The following ATP6V0A4 variants were observed in gnomAD, a reference collection of about 807,000 sequenced individuals.
ATP6V0A4 encodes V-type proton ATPase 116 kDa subunit a 4.
ATP6V0A4 carries 86 observed loss-of-function variants against 107.3 expected under a neutral mutation model. The ratio of observed to expected loss-of-function variants is 0.80; its 90% CI spans 0.67 to 0.96. The LOEUF is 0.96. Ranked by LOEUF, ATP6V0A4 falls within the 40% of genes least tolerant of loss-of-function variation. ATP6V0A4 has a pLI of 0.00. For synonymous variants in ATP6V0A4, 353 were observed against 381.4 expected (o/e 0.93, Z 0.87); for missense variants, 908 against 1,045.6 (o/e 0.87, Z 1.81).
chr7:138,721,492 T>G (rs1041610790), intron 19 of ATP6V0A4, among the ~76,000 whole-genome samples: 70 of 152,112 alleles, frequency 4.6e-4, no homozygotes, highest in Middle Eastern at 3.4e-3. Context: ...TGAGCCGAAA[T>G]TGGCTCACTC....
chr7:138,786,963 T>C (rs1584952960), intron 1 of ATP6V0A4, among the ~76,000 whole-genome samples: 1 of 152,372 alleles, frequency 6.6e-6, no homozygotes, highest in East Asian at 1.9e-4. Context: ...TCTTTCTCCA[T>C]TTAATATCCT....
Position 138,770,711 on chromosome 7 carries a change from T to A in ATP6V0A4, c.117+420A>T, listed in dbSNP as rs191959906. On this transcript the variant is annotated intron_variant, in intron 3 of 21. Coordinates refer to ENST00000310018, the MANE Select transcript of ATP6V0A4 (RefSeq NM_020632.3). Reference sequence around the variant, plus strand: ...TCACTCTGGAACTCAATCCCGGGTATGACAACCAACTCTGGACTCCAGAAT... The same window carrying A: ...TCACTCTGGAACTCAATCCCGGGTAAGACAACCAACTCTGGACTCCAGAAT... 2.1e-4 allele frequency among the ~76,000 whole-genome samples: 32 copies of A among 152,332 alleles called. No homozygotes were observed. In the East Asian group the frequency reaches 3.7e-3, roughly 17 times the overall value.
intron 1 of ATP6V0A4, among the ~76,000 whole-genome samples, chr7:138,789,931 T>G (rs910601302): frequency 6.8e-6 from 1 of 146,100 alleles, no homozygotes; most frequent in African/African-American, 2.6e-5. Flanking sequence ...ATTGCACAAC[T>G]GCACTCCAGC....
intron 12 of ATP6V0A4, chr7:138,747,803 G>A (rs1384765326): frequency 4.1e-6 from 2 of 492,356 alleles, no homozygotes; most frequent in Non-Finnish European, 7.1e-6. Context: ...CACCCAGGCT[G>A]GAGTGCAGTG....
At chr7:138,754,588 A>C (rs1806414624) in intron 10 of ATP6V0A4, among the ~76,000 whole-genome samples, 1 of 152,064 alleles carries the variant, frequency 6.6e-6, no homozygotes, top group African/African-American at 2.4e-5. Context: ...CTTCTACCAC[A>C]GCCACATGCA....
At chr7:138,728,933 G>A in intron 17 of ATP6V0A4, 71 bp from the exon 18 acceptor site, 1 of 1,611,042 alleles carries the variant, frequency 6.2e-7, no homozygotes, top group Non-Finnish European at 8.5e-7. Context: ...TGATGAAAAT[G>A]ACCACTATGG....
At position 138,789,617 on chromosome 7, in the gene ATP6V0A4, T is replaced by C. The variant is rs556234224; in HGVS notation, c.-120-3357A>G. Among the ~76,000 whole-genome samples the C allele has an allele frequency of 3.4e-3, 517 of 151,806 alleles. 1 individual carries two copies. The highest frequency in any genetic ancestry group is 0.012 in the African/African-American group (490 of 41,390). ...TTTTTCCCAGGTAATGGGACAGATATGTAAAATCTGTCTGCTTCATTGTGA... is the reference window on the plus strand; with the variant it reads ...TTTTTCCCAGGTAATGGGACAGATACGTAAAATCTGTCTGCTTCATTGTGA... On this transcript the variant is annotated intron_variant, in intron 1 of 21. Coordinates refer to ENST00000310018, the MANE Select transcript of ATP6V0A4 (RefSeq NM_020632.3).
intron 15 of ATP6V0A4, among the ~76,000 whole-genome samples, chr7:138,739,308 A>C (rs1805496706): frequency 6.6e-6 from 1 of 152,212 alleles, no homozygotes; most frequent in South Asian, 2.1e-4. Flanking sequence ...TGATTGATGG[A>C]GAAAGAGGCA....
intron 13 of ATP6V0A4, 138 bp from the exon 14 acceptor site, chr7:138,745,418 T>A (rs1017436137): frequency 9.4e-6 from 12 of 1,278,492 alleles, no homozygotes; most frequent in Non-Finnish European, 1.1e-6. Flanking sequence ...CAGACATCAA[T>A]CATCCAGACA....
Position 138,706,618 on chromosome 7 carries a change from C to T in ATP6V0A4, c.*6G>A. The T allele has an allele frequency of 6.2e-7, 1 of 1,613,876 alleles. No individual in the cohort carries two copies. ...GGTGACCACCGTGGGAGGTGCAGCCCTCAGCCTACTCCTCGGCTGTGCCAT... is the reference window on the plus strand; with the variant it reads ...GGTGACCACCGTGGGAGGTGCAGCCTTCAGCCTACTCCTCGGCTGTGCCAT... On this transcript the variant is annotated 3_prime_UTR_variant, in exon 22 of 22. Coordinates refer to ENST00000310018, the MANE Select transcript of ATP6V0A4 (RefSeq NM_020632.3).
At chr7:138,763,186 G>C (rs112957888) in intron 5 of ATP6V0A4, 161 bp from the exon 6 acceptor site, 58 of 262,780 alleles carry the variant, frequency 2.2e-4, no homozygotes, top group African/African-American at 4.4e-4. Flanking sequence ...GACACACACA[G>C]ACACACACAC....
At chr7:138,712,912 C>G (rs1045755781) in intron 20 of ATP6V0A4, among the ~76,000 whole-genome samples, 1 of 152,090 alleles carries the variant, frequency 6.6e-6, no homozygotes, top group African/African-American at 2.4e-5. Flanking sequence ...ACTGACTGCA[C>G]GAAGCGCTGA....
At chr7:138,795,041 G>A (rs1455939511) in intron 1 of ATP6V0A4, among the ~76,000 whole-genome samples, 1 of 152,016 alleles carries the variant, frequency 6.6e-6, no homozygotes, top group Non-Finnish European at 1.5e-5. Context: ...GGGATTACAG[G>A]CATGCACCAC....
intron 13 of ATP6V0A4, 128 bp downstream of exon 13, chr7:138,747,297 T>C: frequency 8.4e-7 from 1 of 1,194,162 alleles, no homozygotes; most frequent in Non-Finnish European, 1.2e-6. Context: ...TTAGGTTAAT[T>C]TGGCTCTTTT....
chr7:138,718,854 G>A (rs1350096158), intron 19 of ATP6V0A4, among the ~76,000 whole-genome samples: 1 of 152,102 alleles, frequency 6.6e-6, no homozygotes, highest in Non-Finnish European at 1.5e-5. Flanking sequence ...GAGTGAGCAG[G>A]TAGAAAGAGT....
chr7:138,748,387 G>C (rs1343740886), intron 12 of ATP6V0A4, among the ~76,000 whole-genome samples: 2 of 151,914 alleles, frequency 1.3e-5, no homozygotes, highest in Non-Finnish European at 2.9e-5. Context: ...AGGGTATCTG[G>C]TCTATCCTTT....
rs547782758 is a variant in ATP6V0A4, at chr7:138,756,569, A to AAG, written c.640-30_640-29insCT. ...GAAAATCAGAATAAGTTAAAAAAAAAGGGGGGGGTTTCTTTCTGGTTAAAA... is the reference window on the plus strand; with the variant it reads ...GAAAATCAGAATAAGTTAAAAAAAAAAGGGGGGGGGTTTCTTTCTGGTTAAAA... On this transcript the variant is annotated intron_variant, in intron 8 of 21. Transcript: ENST00000310018. 29 of 1,583,612 alleles carry AAG rather than the reference A, an allele frequency of 1.8e-5. No homozygotes were observed. In the African/African-American group the frequency reaches 1.9e-4, roughly 10 times the overall value.
rs1806096903 is a variant in ATP6V0A4 at position 138,749,060 on chromosome 7, C to G, written c.1180+107G>C. ...GATTCCCACAGCTACTACCCTAGCCCCAAGCCTCACAGTTTTAACAAGTTC... is the reference window on the plus strand; with the variant it reads ...GATTCCCACAGCTACTACCCTAGCCGCAAGCCTCACAGTTTTAACAAGTTC... On this transcript the variant is annotated intron_variant, in intron 12 of 21. Transcript: ENST00000310018. The G allele has an allele frequency of 7.0e-6, 10 of 1,436,754 alleles. 1 individual carries two copies. The African/African-American group carries it at 9.8e-5, about 14-fold the overall frequency. The allele number at this position is 1,436,754 out of a possible 1,614,324, so 89.0% of individuals were successfully genotyped here.
intron 5 of ATP6V0A4, 131 bp downstream of exon 5, chr7:138,768,649 C>A: frequency 8.8e-7 from 1 of 1,134,308 alleles, no homozygotes; most frequent in South Asian, 1.6e-5. Context: ...GAGAGGGAGA[C>A]GACCATGCAG....
Sources: allele counts gnomAD v4.1 joint callset (sites outside exome capture counted in the v4.1 genomes callset), GRCh38; gene constraint gnomAD v4.1.1; transcripts MANE v1.5; gene names NCBI Gene and HGNC (gene_info 2026-07-23, HGNC 2026-07-21).